Variants in ZRANB3 observed in about 807,000 individuals in gnomAD.
ZRANB3 encodes DNA annealing helicase and endonuclease ZRANB3.
A neutral mutation model predicts 133.8 loss-of-function variants in ZRANB3; 125 were observed. That is an observed-to-expected ratio of 0.93 (90% CI 0.81 to 1.08). ZRANB3 has a LOEUF of 1.08. Ranked by LOEUF, ZRANB3 falls within the 50% of genes least tolerant of loss-of-function variation. ZRANB3 has a pLI of 0.00. For synonymous variants in ZRANB3, 387 were observed against 432.7 expected (o/e 0.89, Z 1.31); for missense variants, 1,229 against 1,275.5 (o/e 0.96, Z 0.56).
chr2:135,284,150 T>C (rs1334019548), intron 8 of ZRANB3, among the ~76,000 whole-genome samples: 1 of 152,186 alleles, frequency 6.6e-6, no homozygotes, highest in Non-Finnish European at 1.5e-5. Flanking sequence ...GTGAGAGACA[T>C]TGAGAAAGTC....
chr2:135,506,388 T>C (rs1306345692), intron 1 of ZRANB3, among the ~76,000 whole-genome samples: 3 of 151,436 alleles, frequency 2.0e-5, no homozygotes, highest in African/African-American at 7.3e-5. Context: ...AAACTTCATC[T>C]CAAAAAAAAG....
chr2:135,440,959 G>T (rs572553860), intron 2 of ZRANB3, among the ~76,000 whole-genome samples: 1 of 152,166 alleles, frequency 6.6e-6, no homozygotes, highest in South Asian at 2.1e-4. Flanking sequence ...TAAGAAAAAT[G>T]AATGAAGCCT....
At chr2:135,481,076 C>T (rs1385389660) in intron 2 of ZRANB3, among the ~76,000 whole-genome samples, 3 of 152,012 alleles carry the variant, frequency 2.0e-5, no homozygotes, top group East Asian at 1.9e-4. Context: ...AATAAACATA[C>T]GTGAGCATGT....
At chr2:135,276,168 T>G (rs1402923698) in intron 8 of ZRANB3, among the ~76,000 whole-genome samples, 1 of 151,248 alleles carries the variant, frequency 6.6e-6, no homozygotes, top group Non-Finnish European at 1.5e-5. Context: ...TGAAGAGCAT[T>G]TTTTTTTAAA....
chr2:135,440,394 C>G (rs1204390603), intron 2 of ZRANB3, among the ~76,000 whole-genome samples: 2 of 151,632 alleles, frequency 1.3e-5, no homozygotes, highest in Non-Finnish European at 2.9e-5. Context: ...GCAAGGAAGG[C>G]TCTGTCTAAA....
chr2:135,463,745 G>A (rs1224260238), intron 2 of ZRANB3, among the ~76,000 whole-genome samples: 2 of 152,128 alleles, frequency 1.3e-5, no homozygotes, highest in Non-Finnish European at 2.9e-5. Flanking sequence ...ACAACTGCCT[G>A]TTACCCCTAT....
In ZRANB3 at chr2:135,340,174, C is replaced by T. The variant is rs1156994143; in HGVS notation, c.677+5376G>A. ...AGGCTGGAGGGCAATGGCGCGATCTCGGCTCACTACAACCTCCGCCTCCTC... is the reference window on the plus strand; with the variant it reads ...AGGCTGGAGGGCAATGGCGCGATCTTGGCTCACTACAACCTCCGCCTCCTC... On this transcript the variant is annotated intron_variant, in intron 6 of 20. Coordinates refer to ENST00000264159, the MANE Select transcript of ZRANB3 (RefSeq NM_032143.4). Among the ~76,000 whole-genome samples, 6 of 149,816 alleles carry T rather than the reference C, an allele frequency of 4.0e-5. No homozygotes were observed. The East Asian group carries it at 7.8e-4, about 20-fold the overall frequency.
At chr2:135,490,234 C>A (rs148441094) in intron 2 of ZRANB3, among the ~76,000 whole-genome samples, 53 of 151,944 alleles carry the variant, frequency 3.5e-4, no homozygotes, top group African/African-American at 1.2e-3. Context: ...TTTTAGAATA[C>A]GAGAGAAAAT....
At chr2:135,217,393 G>T in intron 17 of ZRANB3, 72 bp downstream of exon 17, 1 of 1,384,682 alleles carries the variant, frequency 7.2e-7, no homozygotes, top group Non-Finnish European at 9.5e-7. Context: ...TCCAAAAGAT[G>T]CCTCAGACCC....
intron 2 of ZRANB3, among the ~76,000 whole-genome samples, chr2:135,451,982 G>A (rs1690292583): frequency 6.6e-6 from 1 of 152,272 alleles, no homozygotes; most frequent in South Asian, 2.1e-4. Flanking sequence ...TGAAACAGAA[G>A]GGGGAGAGAA....
At position 135,412,218 on chromosome 2, in the gene ZRANB3, AAAC is replaced by A. The variant is rs538027229; in HGVS notation, c.162-21401_162-21399del. 3.0e-3 allele frequency among the ~76,000 whole-genome samples: 451 copies of A among 152,302 alleles called. 3 individuals are homozygous for A. Among genetic ancestry groups the A allele is most frequent in the African/African-American group, 0.01 (420 of 41,566 alleles). Reference sequence around the variant, plus strand: ...TTTTAGCATATAATTCAATAAATCAAAACAACTAGATTAAATATGGGCTAGACA... The same window carrying A: ...TTTTAGCATATAATTCAATAAATCAAAACTAGATTAAATATGGGCTAGACA... On this transcript the variant is annotated intron_variant, in intron 2 of 20. Coordinates refer to ENST00000264159, the MANE Select transcript of ZRANB3 (RefSeq NM_032143.4).
intron 19 of ZRANB3, among the ~76,000 whole-genome samples, chr2:135,204,330 A>G (rs776558733): frequency 6.6e-6 from 1 of 152,166 alleles, no homozygotes; most frequent in Non-Finnish European, 1.5e-5. Flanking sequence ...GCATAGTCTT[A>G]GGGAAAAAAA....
chr2:135,284,433 T>C (rs529925670), intron 8 of ZRANB3, among the ~76,000 whole-genome samples: 1 of 152,356 alleles, frequency 6.6e-6, no homozygotes, highest in South Asian at 2.1e-4. Context: ...GAAAACAGAA[T>C]CACATCTGAG....
chr2:135,416,549 A>G (rs905677157), intron 2 of ZRANB3, among the ~76,000 whole-genome samples: 1 of 151,790 alleles, frequency 6.6e-6, no homozygotes, highest in Middle Eastern at 3.2e-3. Context: ...TAATTTATAG[A>G]TTCAATGCCA....
At chr2:135,379,589 C>T (rs1403460743) in intron 3 of ZRANB3, among the ~76,000 whole-genome samples, 1 of 152,104 alleles carries the variant, frequency 6.6e-6, no homozygotes, top group Non-Finnish European at 1.5e-5. Context: ...GAAATAAAAT[C>T]CTTTACAGAC....
intron 6 of ZRANB3, among the ~76,000 whole-genome samples, chr2:135,322,478 G>A (rs1158851848): frequency 6.6e-6 from 1 of 152,080 alleles, no homozygotes; most frequent in Admixed American, 6.6e-5. Context: ...CACTTTGGGA[G>A]GTCAAAGTGG....
chr2:135,397,494 C>T (rs1417936454), intron 2 of ZRANB3, among the ~76,000 whole-genome samples: 1 of 151,444 alleles, frequency 6.6e-6, no homozygotes, highest in East Asian at 1.9e-4. Context: ...CTTTTATTTT[C>T]ACTTTAGGAT....
At chr2:135,256,738 T>C (rs184446563) in intron 12 of ZRANB3, among the ~76,000 whole-genome samples, 58 of 152,320 alleles carry the variant, frequency 3.8e-4, no homozygotes, top group Non-Finnish European at 4.4e-5. Flanking sequence ...CAAGACCTGC[T>C]GGGCTGCATT....
chr2:135,319,626 A>T (rs1427493033), intron 6 of ZRANB3, among the ~76,000 whole-genome samples: 1 of 152,142 alleles, frequency 6.6e-6, no homozygotes, highest in Non-Finnish European at 1.5e-5. Context: ...TCTACATTTC[A>T]ACCTTGCTTC....
Sources: allele counts gnomAD v4.1 joint callset (sites outside exome capture counted in the v4.1 genomes callset), GRCh38; gene constraint gnomAD v4.1.1; transcripts MANE v1.5; gene names NCBI Gene and HGNC (gene_info 2026-07-23, HGNC 2026-07-21).